Variants in STK3 observed in about 807,000 individuals in gnomAD.
STK3 encodes serine/threonine-protein kinase 3.
In STK3, 41 loss-of-function variants were observed where a neutral mutation model predicts 58.0. The ratio of observed to expected loss-of-function variants is 0.71; its 90% CI spans 0.55 to 0.92. The LOEUF (loss-of-function observed/expected upper bound fraction) is 0.92. Ranked by LOEUF, STK3 falls within the 40% of genes least tolerant of loss-of-function variation. The pLI, the probability that STK3 is intolerant of heterozygous loss-of-function variation, is 0.00. For synonymous variants in STK3, 170 were observed against 191.0 expected (o/e 0.89, Z 0.91); for missense variants, 479 against 602.7 (o/e 0.79, Z 2.15).
chr8:98,511,213 C>T (rs1007965208), intron 10 of STK3, among the ~76,000 whole-genome samples: 18 of 151,724 alleles, frequency 1.2e-4, no homozygotes, highest in Non-Finnish European at 1.8e-4. Context: ...GAGACAAATG[C>T]TTATTCATAT....
At chr8:98,669,901 G>A (rs891550537) in intron 6 of STK3, among the ~76,000 whole-genome samples, 2 of 152,188 alleles carry the variant, frequency 1.3e-5, no homozygotes, top group Admixed American at 1.3e-4. Context: ...TCACACGATA[G>A]ATGATAAAAT....
At chr8:98,812,085 C>T (rs973568526) in intron 1 of STK3, among the ~76,000 whole-genome samples, 3 of 152,114 alleles carry the variant, frequency 2.0e-5, no homozygotes, top group Non-Finnish European at 4.4e-5. Context: ...GGTGGGATTA[C>T]AGGGGTGAGC....
the STK3 span, among the ~76,000 whole-genome samples, chr8:98,348,879 A>C: frequency 2.6e-5 from 4 of 152,240 alleles, no homozygotes; most frequent in African/African-American, 7.2e-5. Flanking sequence ...ACTCTTACCA[A>C]ACAATACAGC....
the STK3 span, among the ~76,000 whole-genome samples, chr8:98,359,447 G>A: frequency 3.3e-5 from 5 of 150,380 alleles, no homozygotes; most frequent in South Asian, 2.1e-4. Flanking sequence ...CACTTGAACC[G>A]GGGAGGCGGA....
intron 4 of STK3, among the ~76,000 whole-genome samples, chr8:98,748,879 T>C (rs907322211): frequency 6.6e-6 from 1 of 151,858 alleles, no homozygotes; most frequent in Non-Finnish European, 1.5e-5. Context: ...CTTCAAATAT[T>C]CCAGCCATAA....
chr8:98,501,373 T>C (rs1823581697), intron 10 of STK3, among the ~76,000 whole-genome samples: 1 of 152,294 alleles, frequency 6.6e-6, no homozygotes, highest in East Asian at 1.9e-4. Flanking sequence ...ACTCTGATAG[T>C]ATTTTCTTTT....
chr8:98,505,239 A>G (rs747523827), intron 10 of STK3, among the ~76,000 whole-genome samples: 6 of 152,170 alleles, frequency 3.9e-5, no homozygotes, highest in Non-Finnish European at 8.8e-5. Context: ...TTTCAGTTCC[A>G]TCAGGTCATT....
At chr8:98,598,261 A>G in intron 6 of STK3, 1 of 985,372 alleles carries the variant, frequency 1.0e-6, no homozygotes, top group African/African-American at 1.7e-5. Flanking sequence ...GATAATCTTA[A>G]CATATAAGGC....
chr8:98,662,737 C>G (rs1822054227), intron 6 of STK3, among the ~76,000 whole-genome samples: 1 of 151,412 alleles, frequency 6.6e-6, no homozygotes, highest in South Asian at 2.1e-4. Context: ...AGGTTTGTTA[C>G]ATATGTATAC....
intron 10 of STK3, among the ~76,000 whole-genome samples, chr8:98,467,047 C>T (rs929008989): frequency 4.6e-5 from 7 of 152,184 alleles, no homozygotes; most frequent in Non-Finnish European, 1.0e-4. Flanking sequence ...AATATACCTT[C>T]CAAACTTCCA....
chr8:98,561,740 A>T (rs1812051114), intron 8 of STK3, among the ~76,000 whole-genome samples: 1 of 152,132 alleles, frequency 6.6e-6, no homozygotes, highest in South Asian at 2.1e-4. Context: ...CAAATCAAAA[A>T]TGGGAGAAAA....
At chr8:98,359,319 C>A in the STK3 span, among the ~76,000 whole-genome samples, 401 of 121,536 alleles carry the variant, frequency 3.3e-3, 3 homozygotes, top group Admixed American at 0.018. Context: ...ACCAGCCTGA[C>A]TAACATGGTG....
chr8:98,857,558 G>A (rs377428498), intron 3 of STK3, among the ~76,000 whole-genome samples: 1 of 150,170 alleles, frequency 6.7e-6, no homozygotes, highest in South Asian at 2.1e-4. Flanking sequence ...AGATTAAATG[G>A]CTTATTTGCT....
intron 3 of STK3, among the ~76,000 whole-genome samples, chr8:98,750,946 A>G (rs1166395549): frequency 6.6e-6 from 1 of 152,244 alleles, no homozygotes; most frequent in Non-Finnish European, 1.5e-5. Context: ...GATTGGTTCA[A>G]CATATACAAA....
chr8:98,454,920 C>T lies in STK3; in HGVS notation c.*922G>A, dbSNP rs1173981190. Reference sequence around the variant, plus strand: ...ATTCCCAGGAAATGAATAAAATCAACAGAAACATCCTGTGACAACAGAGCA... The same window carrying T: ...ATTCCCAGGAAATGAATAAAATCAATAGAAACATCCTGTGACAACAGAGCA... On this transcript the variant is annotated 3_prime_UTR_variant, in exon 11 of 11. Coordinates refer to ENST00000419617, the MANE Select transcript of STK3 (RefSeq NM_006281.4). 1 of 152,012 alleles carries T rather than the reference C, an allele frequency of 6.6e-6. No homozygotes were observed. The highest frequency in any genetic ancestry group is 2.4e-5 in the African/African-American group (1 of 41,282). The allele number at this position is 152,012 out of a possible 1,614,324, so 9.4% of individuals were successfully genotyped here.
chr8:98,497,919 CA>C (rs1823269199), intron 10 of STK3, among the ~76,000 whole-genome samples: 1 of 152,148 alleles, frequency 6.6e-6, no homozygotes, highest in African/African-American at 2.4e-5. Context: ...TATTATTCAG[CA>C]ATTCTTCTCC....
chr8:98,619,038 G>A (rs1372011047), intron 6 of STK3, among the ~76,000 whole-genome samples: 1 of 148,696 alleles, frequency 6.7e-6, no homozygotes, highest in Non-Finnish European at 1.5e-5. Context: ...CAAAGCTGGA[G>A]GCATCACACT....
chr8:98,351,334 T>G, the STK3 span, among the ~76,000 whole-genome samples: 18 of 152,206 alleles, frequency 1.2e-4, no homozygotes, highest in African/African-American at 4.3e-4. Flanking sequence ...AATGGAGACA[T>G]AGTACAACTA....
At chr8:98,587,610 A>G (rs1814768256) in intron 7 of STK3, among the ~76,000 whole-genome samples, 1 of 152,114 alleles carries the variant, frequency 6.6e-6, no homozygotes, top group Non-Finnish European at 1.5e-5. Flanking sequence ...GATGTCTATT[A>G]GTTCCGCTTG....
Sources: allele counts gnomAD v4.1 joint callset (sites outside exome capture counted in the v4.1 genomes callset), GRCh38; gene constraint gnomAD v4.1.1; transcripts MANE v1.5; gene names NCBI Gene and HGNC (gene_info 2026-07-23, HGNC 2026-07-21).